The following ALG5 variants were observed in gnomAD, a reference collection of about 807,000 sequenced individuals.
ALG5 encodes the protein ALG5 dolichyl-phosphate beta-glucosyltransferase, also known as dolichyl-phosphate beta-glucosyltransferase.
In ALG5, 26 loss-of-function variants were observed where a neutral mutation model predicts 51.8. The ratio of observed to expected loss-of-function variants is 0.50; its 90% CI spans 0.37 to 0.70. ALG5 has a LOEUF of 0.70. Among genes scored for constraint, ALG5 ranks in the 30% least tolerant of loss-of-function variants. The pLI is 0.00. For synonymous variants in ALG5, 141 were observed against 136.1 expected, an observed-to-expected ratio of 1.04 and a Z score of -0.25; for missense variants, 311 against 399.3, an observed-to-expected ratio of 0.78 and a Z score of 1.88.
chr13:36,985,534 T>C, intron 6 of ALG5, 93 bp downstream of exon 6: 1 of 993,268 alleles, frequency 1.0e-6, no homozygotes, highest in Non-Finnish European at 1.5e-6. Flanking sequence ...AAACACTCAG[T>C]TTTTAAACTG....
rs577442054 is a variant in ALG5, at chr13:36,984,742, G to A, written c.561+885C>T. 5.3e-5 allele frequency among the ~76,000 whole-genome samples: 8 copies of A among 152,142 alleles called. No homozygotes were observed. The South Asian group carries it at 1.5e-3, about 28-fold the overall frequency. On this transcript the variant is annotated intron_variant, in intron 6 of 9. Coordinates refer to ENST00000239891, the MANE Select transcript of ALG5 (RefSeq NM_013338.5). ...ATTATATCTGGACTTGAGGGTAGAC[G>A]GTGGGAAGGCAGGGAGGAGGGACCC...
intron 6 of ALG5, among the ~76,000 whole-genome samples, chr13:36,972,794 C>G (rs2058930857): frequency 1.3e-5 from 2 of 152,072 alleles, no homozygotes; most frequent in South Asian, 4.1e-4. Context: ...AGATCGAGAT[C>G]ATCCTGGCTA....
At position 36,995,519 on chromosome 13, in the gene ALG5, A is replaced by G. The variant is rs2059045344; in HGVS notation, c.144T>C (p.Asn48=). The G allele has an allele frequency of 6.2e-7, 1 of 1,604,196 alleles. No individual in the cohort carries two copies. The highest frequency in any genetic ancestry group is 1.7e-4 in the Middle Eastern group (1 of 6,030). Residue 48 remains asparagine, a synonymous_variant, in exon 2 of 10, where the codon AAT becomes AAC. Transcript: ENST00000239891. ...HRHEEEKFFL[N]AKGQKETLPS... is the part of the protein sequence containing the mutation. ...GTAAAGTTTCTTTCTGGCCTTTGGCATTTAAGAAGAATTTCTCTTCTTCAT... is the reference window on the plus strand; with the variant it reads ...GTAAAGTTTCTTTCTGGCCTTTGGCGTTTAAGAAGAATTTCTCTTCTTCAT...
intron 5 of ALG5, among the ~76,000 whole-genome samples, chr13:36,987,255 G>A (rs1375700155): frequency 6.6e-6 from 1 of 152,134 alleles, no homozygotes; most frequent in East Asian, 1.9e-4. Context: ...TCCTCCTCCA[G>A]TGTTTCATTC....
intron 8 of ALG5, among the ~76,000 whole-genome samples, chr13:36,958,530 C>T (rs1054989475): frequency 3.3e-5 from 5 of 152,114 alleles, no homozygotes; most frequent in African/African-American, 7.2e-5. Flanking sequence ...TTGATGGCAT[C>T]GAAGGCACCC....
chr13:36,960,097 C>T (rs575851306), intron 8 of ALG5, among the ~76,000 whole-genome samples: 1 of 152,146 alleles, frequency 6.6e-6, no homozygotes, highest in South Asian at 2.1e-4. Context: ...AAAAGTAGTA[C>T]AAGAAAGGTA....
At chr13:36,964,960 A>G (rs1247272051) in intron 8 of ALG5, among the ~76,000 whole-genome samples, 2 of 151,816 alleles carry the variant, frequency 1.3e-5, no homozygotes, top group African/African-American at 4.8e-5. Context: ...GAAAATCCAT[A>G]TGAAGAAGGT....
intron 1 of ALG5, among the ~76,000 whole-genome samples, chr13:36,996,576 C>CA (rs1156689214): frequency 1.3e-5 from 2 of 151,596 alleles, no homozygotes; most frequent in African/African-American, 4.8e-5. Context: ...TCCCCCCTGC[C>CA]AAAAAAAATT....
rs749729884 is a variant in ALG5 at position 36,965,608 on chromosome 13, G to A, written c.740C>T (p.Ser247Leu). 2.5e-6 allele frequency: 4 copies of A among 1,613,892 alleles called. No homozygotes were observed. The highest frequency in any genetic ancestry group is 2.7e-5 in the African/African-American group (2 of 74,898). Residue 247 changes from serine to leucine, a missense_variant, in exon 8 of 10, where the codon TCA becomes TTA. Physicochemically the swap from Ser to Leu is moderately radical, Grantham distance 145. Transcript: ENST00000239891. ...AACGTGTAGAGATGAAAACGTCCGT[G>A]AAGCTGCTTCTCGAGTAAATAATTT... ...GFKLFTREAASRTFSSLHVER... is the reference protein window; with the variant it reads ...GFKLFTREAALRTFSSLHVER...
chr13:36,952,769 G>A (rs760551564), intron 8 of ALG5, 170 bp from the exon 9 acceptor site: 199 of 438,408 alleles, frequency 4.5e-4, no homozygotes, highest in Non-Finnish European at 6.9e-4. Context: ...TAGTTCAGAA[G>A]TTTCAAGTCA....
At chr13:36,955,787 T>C (rs746174659) in intron 8 of ALG5, among the ~76,000 whole-genome samples, 10 of 150,932 alleles carry the variant, frequency 6.6e-5, no homozygotes, top group Non-Finnish European at 1.5e-4. Flanking sequence ...GATATCCCTA[T>C]GCAGAAGGAC....
chr13:36,998,482 G>A (rs969794433), intron 1 of ALG5, among the ~76,000 whole-genome samples: 1 of 152,202 alleles, frequency 6.6e-6, no homozygotes, highest in African/African-American at 2.4e-5. Context: ...CTAGAGGGCA[G>A]GCTCATTCCA....
chr13:36,977,808 A>C (rs1218944317), intron 6 of ALG5, among the ~76,000 whole-genome samples: 4 of 147,342 alleles, frequency 2.7e-5, no homozygotes, highest in Admixed American at 6.8e-5. Flanking sequence ...AAAAAAAAAA[A>C]AAAAAACAAA....
intron 8 of ALG5, among the ~76,000 whole-genome samples, chr13:36,953,530 T>C (rs9576145): frequency 0.35 from 53,356 of 152,128 alleles, 10,568 homozygotes; most frequent in East Asian, 0.72. Context: ...TCTAAAGTCC[T>C]TGACTGTTTT....
chr13:36,995,494 G>A lies in ALG5; in HGVS notation c.169C>T (p.Pro57Ser), dbSNP rs1329726395. ...LNAKGQKETL[P>S]SIWDSPTKQL... is the part of the protein sequence containing the mutation. ...TTGGTAGGTGAGTCCCATATGCTGG[G>A]TAAAGTTTCTTTCTGGCCTTTGGCA... Residue 57 changes from proline to serine, a missense_variant, in exon 2 of 10, where the codon CCC becomes TCC. Coordinates refer to ENST00000239891, the MANE Select transcript of ALG5 (RefSeq NM_013338.5). 6.2e-7 allele frequency: 1 copy of A among 1,609,908 alleles called. No individual in the cohort carries two copies. The highest frequency in any genetic ancestry group is 8.5e-7 in the Non-Finnish European group (1 of 1,179,118).
intron 2 of ALG5, 145 bp from the exon 3 acceptor site, chr13:36,995,180 C>T: frequency 2.5e-6 from 2 of 807,492 alleles, no homozygotes; most frequent in Non-Finnish European, 3.9e-6. Flanking sequence ...TGAAATCCTG[C>T]CTTCTGTCCA....
intron 2 of ALG5, 134 bp from the exon 3 acceptor site, chr13:36,995,169 C>A: frequency 1.2e-6 from 1 of 827,708 alleles, no homozygotes; most frequent in South Asian, 1.7e-5. Flanking sequence ...TCATTCCCAT[C>A]TGAAATCCTG....
chr13:36,958,319 T>G (rs553322394), intron 8 of ALG5, among the ~76,000 whole-genome samples: 1 of 152,260 alleles, frequency 6.6e-6, no homozygotes, highest in African/African-American at 2.4e-5. Flanking sequence ...AAACCCCACT[T>G]TCACTGCCCA....
At chr13:36,971,545 G>T (rs993865422) in intron 7 of ALG5, among the ~76,000 whole-genome samples, 1 of 150,614 alleles carries the variant, frequency 6.6e-6, no homozygotes, top group African/African-American at 2.5e-5. Flanking sequence ...TACTTGTGAG[G>T]CTGAGGCAGG....
Sources: gnomAD v4.1 joint callset for allele counts (sites outside exome capture counted in the v4.1 genomes callset) on GRCh38, gnomAD v4.1.1 for gene constraint, MANE v1.5 for transcripts, NCBI Gene and HGNC (gene_info 2026-07-23, HGNC 2026-07-21) for gene names.